The following CCDC158 variants were observed in gnomAD, a reference collection of about 807,000 sequenced individuals.
CCDC158 encodes the protein coiled-coil domain containing 158.
CCDC158 carries 116 observed loss-of-function variants against 138.6 expected under a neutral mutation model. The ratio of observed to expected loss-of-function variants is 0.84; its 90% CI spans 0.72 to 0.98. The LOEUF (loss-of-function observed/expected upper bound fraction) is 0.98. Among genes scored for constraint, CCDC158 ranks in the 50% least tolerant of loss-of-function variants. CCDC158 has a pLI of 0.00. For synonymous variants in CCDC158, 436 were observed against 442.4 expected, an observed-to-expected ratio of 0.99 and a Z score of 0.18; for missense variants, 1,265 against 1,306.1, an observed-to-expected ratio of 0.97 and a Z score of 0.48.
At chr4:76,382,347 T>C (rs1008799499) in intron 8 of CCDC158, among the ~76,000 whole-genome samples, 1 of 152,208 alleles carries the variant, frequency 6.6e-6, no homozygotes, top group Non-Finnish European at 1.5e-5. Flanking sequence ...GTTAGTTCTT[T>C]ATAGCAGTGT....
At chr4:76,327,561 A>G (rs986115926) in intron 22 of CCDC158, among the ~76,000 whole-genome samples, 1 of 152,196 alleles carries the variant, frequency 6.6e-6, no homozygotes, top group Admixed American at 6.5e-5. Flanking sequence ...TTATCTAAAT[A>G]TGTCCAAATA....
chr4:76,377,667 C>T (rs965759523), intron 9 of CCDC158, among the ~76,000 whole-genome samples: 4 of 152,156 alleles, frequency 2.6e-5, no homozygotes, highest in Admixed American at 2.0e-4. Flanking sequence ...AAAAAGCAGG[C>T]TTCAGAGAGG....
At chr4:76,411,130 A>G (rs1729262172) in intron 2 of CCDC158, among the ~76,000 whole-genome samples, 1 of 152,228 alleles carries the variant, frequency 6.6e-6, no homozygotes, top group African/African-American at 2.4e-5. Context: ...GGCAGGGCAC[A>G]GTGGCTCACG....
At chr4:76,345,320 C>T (rs1037081624) in intron 18 of CCDC158, 1 of 1,104,458 alleles carries the variant, frequency 9.1e-7, no homozygotes, top group Non-Finnish European at 1.4e-6. Flanking sequence ...ACACCAAAGC[C>T]CTCATTGATT....
intron 6 of CCDC158, 32 bp downstream of exon 6, chr4:76,384,056 A>G: frequency 7.1e-7 from 1 of 1,402,052 alleles, no homozygotes. Context: ...ATTTTAATAT[A>G]AAATTATTTA....
chr4:76,403,907 A>G (rs1326808459), intron 2 of CCDC158, among the ~76,000 whole-genome samples: 2 of 152,122 alleles, frequency 1.3e-5, no homozygotes, highest in Non-Finnish European at 2.9e-5. Flanking sequence ...AGAAAATGGG[A>G]GGGAAGAGGT....
intron 8 of CCDC158, 69 bp downstream of exon 8, chr4:76,382,541 G>A: frequency 3.1e-6 from 3 of 970,286 alleles, no homozygotes; most frequent in Non-Finnish European, 4.8e-6. Flanking sequence ...AAAGATTATA[G>A]AACAGAAAGT....
chr4:76,419,047 A>G (rs1207119999), intron 1 of CCDC158, among the ~76,000 whole-genome samples: 1 of 152,172 alleles, frequency 6.6e-6, no homozygotes, highest in Non-Finnish European at 1.5e-5. Context: ...TACTTGATAT[A>G]CACACAATGG....
rs1553905272 is a variant in CCDC158 at position 76,397,211 on chromosome 4, G to GGAAA, written c.71-726_71-725insTTTC. ...TGTTTGTAGCATTTGCTTAATTTTG[G>GGAAA]AAAAAAAAAACCCACCTGGAAGAAT... is the stretch of plus-strand genomic sequence containing the variant. On this transcript the variant is annotated intron_variant, in intron 3 of 24. Coordinates refer to ENST00000682701, the MANE Select transcript of CCDC158 (RefSeq NM_001394954.1). 2.8e-3 allele frequency among the ~76,000 whole-genome samples: 411 copies of GGAAA among 146,504 alleles called. 2 individuals carry two copies. The highest frequency in any genetic ancestry group is 9.3e-3 in the African/African-American group (373 of 39,974).
At chr4:76,323,633 T>C (rs1720254235) in intron 23 of CCDC158, among the ~76,000 whole-genome samples, 1 of 152,216 alleles carries the variant, frequency 6.6e-6, no homozygotes, top group African/African-American at 2.4e-5. Context: ...TATTTGATTG[T>C]GCTCAAACCA....
At chr4:76,408,139 C>T (rs1164108252) in intron 2 of CCDC158, among the ~76,000 whole-genome samples, 1 of 150,292 alleles carries the variant, frequency 6.7e-6, no homozygotes, top group Admixed American at 6.6e-5. Context: ...GCAGTGTGCC[C>T]AGAGTAGTCA....
At chr4:76,313,991 T>C (rs564205255) in intron 24 of CCDC158, among the ~76,000 whole-genome samples, 108 of 151,406 alleles carry the variant, frequency 7.1e-4, no homozygotes, top group African/African-American at 2.5e-3. Flanking sequence ...AACATCCTTT[T>C]TTCTTTCTTT....
At chr4:76,396,024 T>G (rs1727748901) in intron 4 of CCDC158, among the ~76,000 whole-genome samples, 1 of 152,222 alleles carries the variant, frequency 6.6e-6, no homozygotes, top group African/African-American at 2.4e-5. Context: ...TCATTAAAAT[T>G]TATATCATGA....
chr4:76,369,732 G>C, intron 10 of CCDC158, 109 bp from the exon 11 acceptor site: 1 of 903,746 alleles, frequency 1.1e-6, no homozygotes, highest in Non-Finnish European at 1.6e-6. Context: ...AGACACCTTT[G>C]ATTTTGGAAT....
At chr4:76,366,141 C>T (rs1724634293) in intron 12 of CCDC158, among the ~76,000 whole-genome samples, 1 of 152,160 alleles carries the variant, frequency 6.6e-6, no homozygotes, top group Non-Finnish European at 1.5e-5. Context: ...ACCATCCTTT[C>T]TCCTCTGATA....
intron 18 of CCDC158, chr4:76,344,471 G>T: frequency 1.4e-6 from 1 of 709,624 alleles, no homozygotes; most frequent in East Asian, 2.6e-5. Flanking sequence ...TATGAAGACT[G>T]GTGGGCAGGA....
intron 18 of CCDC158, among the ~76,000 whole-genome samples, 196 bp from the exon 19 acceptor site, chr4:76,334,363 T>A (rs1189458338): frequency 6.6e-6 from 1 of 152,250 alleles, no homozygotes; most frequent in East Asian, 1.9e-4. Flanking sequence ...ATATCTAATT[T>A]ATATGTGCAT....
chr4:76,414,699 G>A (rs1426995123), intron 1 of CCDC158, among the ~76,000 whole-genome samples: 1 of 152,204 alleles, frequency 6.6e-6, no homozygotes. Context: ...TATGAGATCC[G>A]ATGGGGTTGT....
intron 2 of CCDC158, among the ~76,000 whole-genome samples, chr4:76,410,224 G>A (rs1184113917): frequency 2.6e-5 from 4 of 151,846 alleles, no homozygotes; most frequent in African/African-American, 4.9e-5. Flanking sequence ...TTGCTCTGTC[G>A]TCCAGGCTGG....
Sources: gnomAD v4.1 joint callset for allele counts (sites outside exome capture counted in the v4.1 genomes callset) on GRCh38, gnomAD v4.1.1 for gene constraint, MANE v1.5 for transcripts, NCBI Gene and HGNC (gene_info 2026-07-23, HGNC 2026-07-21) for gene names.